The following ZFHX3 variants were observed in gnomAD, a reference collection of about 807,000 sequenced individuals.
The protein encoded by ZFHX3 is zinc finger homeobox protein 3.
A neutral mutation model predicts 279.1 loss-of-function variants in ZFHX3; 42 were observed. The ratio of observed to expected loss-of-function variants is 0.15; its 90% confidence interval spans 0.12 to 0.19. The LOEUF (loss-of-function observed/expected upper bound fraction) is 0.19, where lower values mean the gene tolerates loss of function less well. Ranked by LOEUF, ZFHX3 falls within the 10% of genes least tolerant of loss-of-function variation. The probability of loss-of-function intolerance (pLI) is 1.00; values close to 1 mark genes in which losing one functional copy is unlikely to be tolerated. For synonymous variants in ZFHX3, 2,293 were observed against 1,957.8 expected (o/e 1.17, Z -4.52); for missense variants, 4,981 against 4,754.0 (o/e 1.05, Z -1.40).
chr16:73,382,334 T>A (rs1280755472), intron 3 of ZFHX3, among the ~76,000 whole-genome samples: 2 of 152,192 alleles, frequency 1.3e-5, no homozygotes, highest in Non-Finnish European at 2.9e-5. Context: ...AGTCTGAAGA[T>A]AACAGATTTG....
chr16:73,511,511 T>A (rs1340771023), intron 2 of ZFHX3, among the ~76,000 whole-genome samples: 1 of 152,226 alleles, frequency 6.6e-6, no homozygotes, highest in East Asian at 1.9e-4. Flanking sequence ...CTGTGAAATG[T>A]GCACAGCCTT....
intron 3 of ZFHX3, among the ~76,000 whole-genome samples, chr16:73,361,910 G>T (rs918665): frequency 0.88 from 133,168 of 152,136 alleles, 58,775 homozygotes; most frequent in Non-Finnish European, 0.92. Context: ...ACACTGACAT[G>T]GTCTGAAAAA....
At chr16:72,894,424 C>T (rs2038846547) in intron 3 of ZFHX3, among the ~76,000 whole-genome samples, 1 of 152,158 alleles carries the variant, frequency 6.6e-6, no homozygotes, top group Non-Finnish European at 1.5e-5. Context: ...CGGCTCAACC[C>T]GCGACCCTGT....
At chr16:72,890,408 C>A (rs556734915) in intron 3 of ZFHX3, among the ~76,000 whole-genome samples, 1 of 152,140 alleles carries the variant, frequency 6.6e-6, no homozygotes, top group African/African-American at 2.4e-5. Context: ...CAATTTCTTT[C>A]CTTTGTAAAT....
chr16:73,030,628 G>A (rs1338790427), intron 1 of ZFHX3, among the ~76,000 whole-genome samples: 1 of 150,018 alleles, frequency 6.7e-6, no homozygotes, highest in Non-Finnish European at 1.5e-5. Flanking sequence ...ATTGTTTGAA[G>A]GGAAAAGAGA....
chr16:73,288,436 C>T (rs2014684737), intron 4 of ZFHX3, among the ~76,000 whole-genome samples: 1 of 152,050 alleles, frequency 6.6e-6, no homozygotes, highest in African/African-American at 2.4e-5. Context: ...ATGGAAGGGA[C>T]GAGATTGCAC....
At chr16:72,814,618 T>C (rs2036553386) in intron 5 of ZFHX3, among the ~76,000 whole-genome samples, 1 of 151,968 alleles carries the variant, frequency 6.6e-6, no homozygotes, top group Non-Finnish European at 1.5e-5. Context: ...TCTTTTTTTT[T>C]TTTTTTTCCA....
chr16:73,178,511 T>C (rs1967717085), intron 5 of ZFHX3, among the ~76,000 whole-genome samples: 1 of 152,186 alleles, frequency 6.6e-6, no homozygotes, highest in African/African-American at 2.4e-5. Flanking sequence ...CTCTTTTGGA[T>C]TAAATGTGCC....
chr16:73,575,979 G>A (rs1252273815), intron 2 of ZFHX3, among the ~76,000 whole-genome samples: 1 of 152,134 alleles, frequency 6.6e-6, no homozygotes, highest in Non-Finnish European at 1.5e-5. Flanking sequence ...ATGAATGGAA[G>A]CCAAGCCCCG....
chr16:73,178,680 G>C (rs1397857103), intron 5 of ZFHX3, among the ~76,000 whole-genome samples: 1 of 152,132 alleles, frequency 6.6e-6, no homozygotes, highest in South Asian at 2.1e-4. Context: ...TTGAGACCAG[G>C]TCTCACTATG....
intron 4 of ZFHX3, among the ~76,000 whole-genome samples, chr16:72,855,987 G>A (rs2037745245): frequency 6.6e-6 from 1 of 152,226 alleles, no homozygotes; most frequent in African/African-American, 2.4e-5. Flanking sequence ...CAAGCACAGA[G>A]GTTGCCTTTC....
chr16:73,410,520 C>T (rs2017445041), intron 3 of ZFHX3, among the ~76,000 whole-genome samples: 1 of 152,188 alleles, frequency 6.6e-6, no homozygotes, highest in African/African-American at 2.4e-5. Flanking sequence ...CCCATTTACC[C>T]TGATGTGGTT....
chr16:73,122,877 G>A (rs1337724430), intron 7 of ZFHX3, among the ~76,000 whole-genome samples: 2 of 152,138 alleles, frequency 1.3e-5, no homozygotes, highest in Admixed American at 6.5e-5. Context: ...GTGGTCGGCC[G>A]CTGGGTGGAG....
chr16:72,840,930 A>G (rs1477874575), intron 4 of ZFHX3, among the ~76,000 whole-genome samples: 1 of 152,238 alleles, frequency 6.6e-6, no homozygotes, highest in African/African-American at 2.4e-5. Context: ...AGCTTGAGGC[A>G]ATGCTGCACC....
intron 2 of ZFHX3, among the ~76,000 whole-genome samples, chr16:72,952,239 A>AAAAAC (rs1961034513): frequency 6.6e-6 from 1 of 152,160 alleles, no homozygotes; most frequent in Non-Finnish European, 1.5e-5. Context: ...ACCCTGTCTC[A>AAAAAC]AAAACAAAAC....
intron 1 of ZFHX3, among the ~76,000 whole-genome samples, chr16:72,972,043 C>T (rs1962128749): frequency 6.6e-6 from 1 of 151,880 alleles, no homozygotes; most frequent in African/African-American, 2.4e-5. Flanking sequence ...AGGTGTGCAC[C>T]ATCACGGCCG....
At chr16:72,972,588 G>C (rs1304991221) in intron 1 of ZFHX3, among the ~76,000 whole-genome samples, 4 of 152,204 alleles carry the variant, frequency 2.6e-5, no homozygotes, top group Admixed American at 2.6e-4. Flanking sequence ...CAGAGCACAA[G>C]ACTAGCTCTC....
rs752543837 is a variant in ZFHX3, at chr16:72,959,642, C to G, written c.504G>C (p.Ser168=). Reference sequence around the variant, plus strand: ...CGCCAGGGAGAGAGTTCAGGAAAAGCGAGGGGAGAGGCCCACTGCCACTGC... The same window carrying G: ...CGCCAGGGAGAGAGTTCAGGAAAAGGGAGGGGAGAGGCCCACTGCCACTGC... ...GSGSGSGPLP[S]LFLNSLPGAG... is the part of the protein sequence containing the mutation. The change falls in exon 2 of 10, where the codon TCG becomes TCC. Residue 168 remains serine, a synonymous_variant. Transcript: ENST00000268489. 3 of 1,613,996 alleles carry G rather than the reference C, an allele frequency of 1.9e-6. No individual in the cohort carries two copies. Among genetic ancestry groups the G allele is most frequent in the Non-Finnish European group, 2.5e-6 (3 of 1,180,014 alleles).
Position 72,798,004 on chromosome 16 carries a change from G to C in ZFHX3, c.4678C>G (p.Leu1560Val). The change falls in exon 9 of 10, where the codon CTG (leucine) becomes GTG (valine). Residue 1560 changes from leucine (L) to valine (V), a missense_variant. Physicochemically the swap from Leu to Val is conservative, Grantham distance 32 (BLOSUM62 1). Around this residue, in one of 7 missense-constraint regions of ZFHX3, gnomAD observed 1,751 missense variants for 1,770.0 expected, o/e 0.99. Coordinates refer to ENST00000268489, the MANE Select transcript of ZFHX3 (RefSeq NM_006885.4). Reference sequence around the variant, plus strand: ...GAGACAGAATTGTAGTGTACTAGCAGGATATTCTTTTGAGTGAAAGATTCC... The same window carrying C: ...GAGACAGAATTGTAGTGTACTAGCACGATATTCTTTTGAGTGAAAGATTCC... Reference protein sequence around the residue: ...CKESFTQKNILLVHYNSVSHL... With the variant: ...CKESFTQKNIVLVHYNSVSHL... 1 of 1,614,228 alleles carries C rather than the reference G, an allele frequency of 6.2e-7. No individual in the cohort carries two copies. Among genetic ancestry groups the C allele is most frequent in the East Asian group, 2.2e-5 (1 of 44,882 alleles).
Sources: allele counts gnomAD v4.1 joint callset (sites outside exome capture counted in the v4.1 genomes callset), GRCh38; gene constraint gnomAD v4.1.1; regional missense constraint gnomAD v4.1.1; transcripts MANE v1.5; gene names NCBI Gene and HGNC (gene_info 2026-07-23, HGNC 2026-07-21).